Variants in UNC5C observed in about 807,000 individuals in gnomAD.
UNC5C encodes unc-5 netrin receptor C.
UNC5C carries 47 observed loss-of-function variants against 99.8 expected under a neutral mutation model. The observed-to-expected ratio is 0.47, with a 90% confidence interval of 0.37 to 0.60. UNC5C has a LOEUF of 0.60. UNC5C is among the 20% of genes least tolerant of loss of function. The pLI is 0.00. For synonymous variants in UNC5C, 487 were observed against 452.2 expected (o/e 1.08, Z -0.98); for missense variants, 1,062 against 1,165.9 (o/e 0.91, Z 1.30).
At chr4:95,373,170 G>A (rs901871879) in intron 1 of UNC5C, among the ~76,000 whole-genome samples, 4 of 151,958 alleles carry the variant, frequency 2.6e-5, no homozygotes, top group Non-Finnish European at 5.9e-5. Context: ...CAACTATCCC[G>A]CAACAGCCAG....
At position 95,183,210 on chromosome 4, in the gene UNC5C, T is replaced by TATCA. The variant is rs959977899; in HGVS notation, c.2287-153_2287-150dup. 4.7e-5 allele frequency: 33 copies of TATCA among 703,418 alleles called. 1 individual carries two copies. Among genetic ancestry groups the TATCA allele is most frequent in the Non-Finnish European group, 8.7e-6 (4 of 458,384 alleles). The allele number at this position is 703,418 out of a possible 1,614,324, so 43.6% of individuals were successfully genotyped here. A position where few individuals can be genotyped will look rare whatever the true frequency, so the allele number is the denominator to read the frequency against. On this transcript the variant is annotated intron_variant, in intron 13 of 15. Transcript: ENST00000453304. The stretch of plus-strand genomic sequence containing the variant: ...TATGTTTAAGTACATCCTGGACCCT[T>TATCA]ATCACATGAAAAACTTGAGGGCCAG...
chr4:95,200,778 C>G (rs1737624238), intron 12 of UNC5C, among the ~76,000 whole-genome samples: 1 of 152,136 alleles, frequency 6.6e-6, no homozygotes, highest in Admixed American at 6.5e-5. Flanking sequence ...ATCCGTATTT[C>G]TAACCGTGCC....
intron 1 of UNC5C, among the ~76,000 whole-genome samples, chr4:95,412,432 T>C (rs1746020654): frequency 1.3e-5 from 2 of 152,146 alleles, no homozygotes; most frequent in African/African-American, 4.8e-5. Context: ...TTAGGTCCCC[T>C]CCAATCCTAG....
chr4:95,481,955 A>T (rs1305310523), intron 1 of UNC5C, among the ~76,000 whole-genome samples: 2 of 152,144 alleles, frequency 1.3e-5, no homozygotes, highest in East Asian at 3.9e-4. Context: ...ATGGGCAAGG[A>T]CTTCATGTAT....
chr4:95,376,798 TTTA>T (rs1455065497), intron 1 of UNC5C, among the ~76,000 whole-genome samples: 2 of 152,202 alleles, frequency 1.3e-5, no homozygotes, highest in Non-Finnish European at 2.9e-5. Context: ...CATCCAATAT[TTTA>T]TTGTTAAAAA....
chr4:95,189,906 GTTCAGCCA>G (rs1737000797), intron 12 of UNC5C, among the ~76,000 whole-genome samples: 1 of 152,194 alleles, frequency 6.6e-6, no homozygotes, highest in African/African-American at 2.4e-5. Flanking sequence ...CTGTAAACTA[GTTCAGCCA>G]TTGTGGAAGT....
chr4:95,505,515 G>A (rs1009617801), intron 1 of UNC5C, among the ~76,000 whole-genome samples: 15 of 152,090 alleles, frequency 9.9e-5, no homozygotes, highest in Admixed American at 5.9e-4. Flanking sequence ...TAATTATGCA[G>A]TATGCCTTAT....
chr4:95,235,861 A>T (rs1293316069), intron 7 of UNC5C, among the ~76,000 whole-genome samples: 2 of 152,220 alleles, frequency 1.3e-5, no homozygotes, highest in Non-Finnish European at 2.9e-5. Context: ...CATCAGAGAA[A>T]TGCAAATCAA....
At chr4:95,432,307 G>A (rs544206297) in intron 1 of UNC5C, among the ~76,000 whole-genome samples, 1 of 152,072 alleles carries the variant, frequency 6.6e-6, no homozygotes, top group Admixed American at 6.6e-5. Context: ...AGTTGCTAAG[G>A]CCAACACTCA....
chr4:95,354,154 T>C (rs1366462407), intron 1 of UNC5C, among the ~76,000 whole-genome samples: 1 of 152,052 alleles, frequency 6.6e-6, no homozygotes, highest in Admixed American at 6.6e-5. Flanking sequence ...ATTATCATCA[T>C]TTTTTGCCTA....
At chr4:95,540,111 T>C (rs1722880271) in intron 1 of UNC5C, among the ~76,000 whole-genome samples, 1 of 152,184 alleles carries the variant, frequency 6.6e-6, no homozygotes, top group African/African-American at 2.4e-5. Context: ...AGTATAGCAC[T>C]GATTTAAATC....
At chr4:95,518,775 C>T (rs1233520188) in intron 1 of UNC5C, among the ~76,000 whole-genome samples, 2 of 152,150 alleles carry the variant, frequency 1.3e-5, no homozygotes, top group Non-Finnish European at 2.9e-5. Flanking sequence ...AAAACATTAA[C>T]ATCTCTTTGA....
At chr4:95,224,630 T>TCATTCATC (rs1219287431) in intron 7 of UNC5C, among the ~76,000 whole-genome samples, 2 of 152,006 alleles carry the variant, frequency 1.3e-5, no homozygotes, top group African/African-American at 2.4e-5. Flanking sequence ...ATTCATTCAT[T>TCATTCATC]CATCATCCGT....
intron 1 of UNC5C, among the ~76,000 whole-genome samples, chr4:95,362,901 G>T (rs896759259): frequency 6.6e-6 from 1 of 151,976 alleles, no homozygotes; most frequent in African/African-American, 2.4e-5. Flanking sequence ...AAATACAAAT[G>T]TGTTAAATAA....
intron 7 of UNC5C, among the ~76,000 whole-genome samples, chr4:95,229,182 G>A (rs1387684633): frequency 6.6e-6 from 1 of 152,120 alleles, no homozygotes; most frequent in Non-Finnish European, 1.5e-5. Context: ...AGAATGTGCA[G>A]GTTTGTTACA....
chr4:95,346,369 C>T (rs1743773371), intron 1 of UNC5C, among the ~76,000 whole-genome samples: 1 of 151,946 alleles, frequency 6.6e-6, no homozygotes, highest in African/African-American at 2.4e-5. Flanking sequence ...AGAACTAATA[C>T]CAATCCTCTC....
chr4:95,367,884 C>T (rs950118966), intron 1 of UNC5C, among the ~76,000 whole-genome samples: 2 of 152,114 alleles, frequency 1.3e-5, no homozygotes, highest in Non-Finnish European at 2.9e-5. Context: ...CATTATAGAT[C>T]ATGTTAGCAA....
At chr4:95,448,331 A>G (rs1747181823) in intron 1 of UNC5C, among the ~76,000 whole-genome samples, 1 of 151,988 alleles carries the variant, frequency 6.6e-6, no homozygotes, top group Non-Finnish European at 1.5e-5. Context: ...CACACATGCA[A>G]CATTTGAAAA....
At chr4:95,524,936 GT>G (rs1440218650) in intron 1 of UNC5C, among the ~76,000 whole-genome samples, 1 of 152,168 alleles carries the variant, frequency 6.6e-6, no homozygotes, top group Non-Finnish European at 1.5e-5. Flanking sequence ...GGTAGGTCAA[GT>G]TTCTGAACAC....
Sources: allele counts gnomAD v4.1 joint callset (sites outside exome capture counted in the v4.1 genomes callset), GRCh38; gene constraint gnomAD v4.1.1; transcripts MANE v1.5; gene names NCBI Gene and HGNC (gene_info 2026-07-23, HGNC 2026-07-21).